The following KCNH1 variants were observed in gnomAD, a reference collection of about 807,000 sequenced individuals.
KCNH1 encodes voltage-gated delayed rectifier potassium channel KCNH1.
Under a neutral mutation model 69.2 loss-of-function variants are expected in KCNH1, and 27 were observed. The ratio of observed to expected loss-of-function variants is 0.39; its 90% CI spans 0.29 to 0.54. KCNH1 has a LOEUF of 0.54. Among genes scored for constraint, KCNH1 ranks in the 20% least tolerant of loss-of-function variants. The pLI is 0.68. For missense variants in KCNH1, 798 were observed against 1,261.6 expected (o/e 0.63, Z 5.57); for synonymous variants, 456 against 487.7 (o/e 0.93, Z 0.86).
intron 7 of KCNH1, among the ~76,000 whole-genome samples, chr1:210,856,052 C>T (rs1342857934): frequency 1.3e-5 from 2 of 152,160 alleles, no homozygotes; most frequent in Non-Finnish European, 2.9e-5. Context: ...CACCAAGATG[C>T]TTTCAAATGT....
chr1:210,692,206 C>G (rs1681542312), intron 10 of KCNH1, among the ~76,000 whole-genome samples: 1 of 152,160 alleles, frequency 6.6e-6, no homozygotes, highest in Admixed American at 6.6e-5. Flanking sequence ...TTATAAGGCC[C>G]CTCCTAGACT....
chr1:210,898,828 TG>T (rs1035008155), intron 7 of KCNH1, among the ~76,000 whole-genome samples: 5 of 152,054 alleles, frequency 3.3e-5, no homozygotes, highest in African/African-American at 1.2e-4. Flanking sequence ...GACATTCAGG[TG>T]TGGGGTAATG....
At chr1:210,713,029 A>G (rs922135805) in intron 10 of KCNH1, among the ~76,000 whole-genome samples, 4 of 152,076 alleles carry the variant, frequency 2.6e-5, no homozygotes, top group East Asian at 1.9e-4. Flanking sequence ...GAGGGGTGCT[A>G]TTGTGCAGGC....
chr1:210,996,808 G>A (rs1419009929), intron 6 of KCNH1, among the ~76,000 whole-genome samples: 2 of 152,198 alleles, frequency 1.3e-5, no homozygotes, highest in African/African-American at 4.8e-5. Context: ...CGATCAGGCA[G>A]CAGCATTTGC....
intron 5 of KCNH1, among the ~76,000 whole-genome samples, chr1:211,058,129 A>C (rs1185878772): frequency 6.6e-6 from 1 of 152,228 alleles, no homozygotes; most frequent in Non-Finnish European, 1.5e-5. Context: ...TTCTTCAAAC[A>C]TGAAGAAAAA....
intron 5 of KCNH1, among the ~76,000 whole-genome samples, chr1:211,053,700 C>T (rs1054937279): frequency 1.3e-5 from 2 of 152,072 alleles, no homozygotes; most frequent in Non-Finnish European, 2.9e-5. Flanking sequence ...TTGGCCTGAA[C>T]CAGGCGAAAC....
chr1:210,989,909 T>G (rs1688908077), intron 6 of KCNH1, among the ~76,000 whole-genome samples: 1 of 152,230 alleles, frequency 6.6e-6, no homozygotes, highest in Admixed American at 6.5e-5. Context: ...AGCTTCTAAG[T>G]GTTTTCTCTT....
Position 211,107,247 on chromosome 1 carries a change from T to C in KCNH1, c.203+7A>G. The C allele has an allele frequency of 1.2e-6, 2 of 1,612,922 alleles. No homozygotes were observed. Among genetic ancestry groups the C allele is most frequent in the Non-Finnish European group, 8.5e-7 (1 of 1,179,554 alleles). The stretch of plus-strand genomic sequence containing the variant: ...TTGTTCACCAGAACAACTCCAAACA[T>C]AAATACCTGCAGGTGCTGCTTTTTT... On this transcript the variant is annotated splice_region_variant and intron_variant, in intron 2 of 10. Coordinates refer to ENST00000271751, the MANE Select transcript of KCNH1 (RefSeq NM_172362.3).
intron 7 of KCNH1, among the ~76,000 whole-genome samples, chr1:210,854,139 G>T (rs1019404585): frequency 1.3e-5 from 2 of 151,942 alleles, no homozygotes; most frequent in African/African-American, 2.4e-5. Flanking sequence ...TTAGAGAAAA[G>T]GAGCCTTTTT....
At chr1:210,755,542 G>T (rs1447834938) in intron 10 of KCNH1, among the ~76,000 whole-genome samples, 2 of 152,196 alleles carry the variant, frequency 1.3e-5, no homozygotes, top group Admixed American at 6.5e-5. Flanking sequence ...AACTGGATTT[G>T]GCATGCAAGC....
intron 7 of KCNH1, among the ~76,000 whole-genome samples, chr1:210,915,494 T>C (rs1190871751): frequency 6.6e-6 from 1 of 151,770 alleles, no homozygotes; most frequent in Non-Finnish European, 1.5e-5. Flanking sequence ...CCACACACCA[T>C]ACCTTATAGT....
intron 5 of KCNH1, among the ~76,000 whole-genome samples, chr1:211,058,095 A>G (rs942835427): frequency 6.6e-6 from 1 of 152,230 alleles, no homozygotes; most frequent in Admixed American, 6.5e-5. Context: ...TTCTTATCCT[A>G]TGATAGTATA....
At chr1:211,111,191 G>A (rs1293769658) in intron 1 of KCNH1, among the ~76,000 whole-genome samples, 1 of 152,174 alleles carries the variant, frequency 6.6e-6, no homozygotes, top group Non-Finnish European at 1.5e-5. Flanking sequence ...TCACAAAAAT[G>A]TTCTGATAAC....
intron 7 of KCNH1, among the ~76,000 whole-genome samples, chr1:210,836,299 G>T (rs1287380265): frequency 6.6e-6 from 1 of 152,024 alleles, no homozygotes; most frequent in Non-Finnish European, 1.5e-5. Flanking sequence ...AATAGAACTG[G>T]AAAGTGCTAT....
chr1:210,883,722 A>G (rs905694708), intron 7 of KCNH1, among the ~76,000 whole-genome samples: 3 of 152,220 alleles, frequency 2.0e-5, no homozygotes, highest in African/African-American at 7.2e-5. Context: ...GAGCTATACA[A>G]ATTCACAGGA....
intron 10 of KCNH1, among the ~76,000 whole-genome samples, chr1:210,748,175 G>A (rs1296068197): frequency 2.0e-5 from 3 of 152,184 alleles, no homozygotes; most frequent in African/African-American, 7.2e-5. Flanking sequence ...GCAGGTCCAC[G>A]TGCTCCTGTG....
chr1:210,905,689 G>A (rs1449656221), intron 7 of KCNH1, among the ~76,000 whole-genome samples: 1 of 151,884 alleles, frequency 6.6e-6, no homozygotes, highest in Non-Finnish European at 1.5e-5. Flanking sequence ...CTACCCTCTC[G>A]GTGTTCCCAG....
In KCNH1 at chr1:210,802,754, G is replaced by A. The variant is rs1421805737; in HGVS notation, c.1662+1213C>T. On this transcript the variant is annotated intron_variant, in intron 8 of 10. Transcript: ENST00000271751. The stretch of plus-strand genomic sequence containing the variant: ...ATAACTAGAGAGATGCCTAATTGAT[G>A]TTCTGGTCAAGTCAACTGATGATTA... 3.9e-5 allele frequency among the ~76,000 whole-genome samples: 6 copies of A among 152,118 alleles called. No individual in the cohort carries two copies. In the East Asian group the frequency reaches 1.2e-3, roughly 29 times the overall value.
intron 10 of KCNH1, among the ~76,000 whole-genome samples, chr1:210,766,440 A>T (rs770965590): frequency 1.3e-4 from 20 of 151,968 alleles, no homozygotes; most frequent in East Asian, 2.0e-4. Context: ...TGGGAGAATA[A>T]CTTGAAACCA....
Sources: gnomAD v4.1 joint callset for allele counts (sites outside exome capture counted in the v4.1 genomes callset) on GRCh38, gnomAD v4.1.1 for gene constraint, MANE v1.5 for transcripts, NCBI Gene and HGNC (gene_info 2026-07-23, HGNC 2026-07-21) for gene names.